Variants in TNFSF4 observed in about 807,000 individuals in gnomAD.
The protein encoded by TNFSF4 is tumor necrosis factor ligand superfamily member 4.
TNFSF4 carries 4 observed loss-of-function variants against 7.3 expected under a neutral mutation model. The ratio of observed to expected loss-of-function variants is 0.55; its 90% confidence interval spans 0.27 to 1.25. The LOEUF is 1.25. Among genes scored for constraint, TNFSF4 ranks in the 50% most tolerant of loss-of-function variants. The pLI is 0.12. For synonymous variants in TNFSF4, 76 were observed against 83.7 expected (o/e 0.91, Z 0.50); for missense variants, 181 against 208.8 (o/e 0.87, Z 0.82).
At chr1:173,288,897 C>G in the TNFSF4 span, among the ~76,000 whole-genome samples, 2 of 151,966 alleles carry the variant, frequency 1.3e-5, no homozygotes, top group African/African-American at 4.8e-5. Context: ...ATATATGAAA[C>G]TATGTTTTAA....
At chr1:173,236,924 T>G in the TNFSF4 span, among the ~76,000 whole-genome samples, 5 of 152,186 alleles carry the variant, frequency 3.3e-5, 1 homozygote, top group South Asian at 1.0e-3. Context: ...GGTTGGGTTG[T>G]GTCCCCCCAC....
At chr1:173,334,206 T>C in the TNFSF4 span, among the ~76,000 whole-genome samples, 1 of 152,198 alleles carries the variant, frequency 6.6e-6, no homozygotes, top group African/African-American at 2.4e-5. Flanking sequence ...TATTTAAAGA[T>C]GCTAGTGTCT....
the TNFSF4 span, among the ~76,000 whole-genome samples, chr1:173,404,788 T>G: frequency 6.6e-6 from 1 of 152,048 alleles, no homozygotes; most frequent in South Asian, 2.1e-4. Context: ...TGCACCACCA[T>G]GCCCTGATAA....
At chr1:173,306,220 C>CA in the TNFSF4 span, among the ~76,000 whole-genome samples, 1 of 151,936 alleles carries the variant, frequency 6.6e-6, no homozygotes, top group Non-Finnish European at 1.5e-5. Flanking sequence ...TTAGTAATGT[C>CA]TTTTTCTAAG....
At chr1:173,380,064 C>T in the TNFSF4 span, among the ~76,000 whole-genome samples, 10 of 152,172 alleles carry the variant, frequency 6.6e-5, no homozygotes, top group South Asian at 2.1e-4. Flanking sequence ...TGGACACTGG[C>T]GTGGCCTTCT....
chr1:173,446,397 T>C, the TNFSF4 span, among the ~76,000 whole-genome samples: 2 of 152,218 alleles, frequency 1.3e-5, 1 homozygote, highest in South Asian at 4.1e-4. Flanking sequence ...ATGTACATAG[T>C]GACTTTATTC....
the TNFSF4 span, among the ~76,000 whole-genome samples, chr1:173,291,943 A>G: frequency 3.1e-3 from 467 of 152,184 alleles, 4 homozygotes; most frequent in Middle Eastern, 0.031. Context: ...CCCAAGATTG[A>G]AACCCTGAAC....
the TNFSF4 span, among the ~76,000 whole-genome samples, chr1:173,365,061 T>C: frequency 6.7e-6 from 1 of 148,394 alleles, no homozygotes; most frequent in Non-Finnish European, 1.5e-5. Flanking sequence ...CACTCCAGCC[T>C]GGGAAACAGT....
the TNFSF4 span, among the ~76,000 whole-genome samples, chr1:173,389,823 A>G: frequency 3.2e-3 from 484 of 152,156 alleles, 1 homozygote; most frequent in African/African-American, 0.011. Context: ...TGACTACTAT[A>G]TTGTTCTAGA....
chr1:173,175,711 A>G, the TNFSF4 span, among the ~76,000 whole-genome samples: 3 of 152,200 alleles, frequency 2.0e-5, no homozygotes, highest in African/African-American at 7.2e-5. Context: ...ATTTAACATT[A>G]TGGGAAAAAC....
the TNFSF4 span, among the ~76,000 whole-genome samples, chr1:173,369,631 C>T: frequency 6.6e-6 from 1 of 152,108 alleles, no homozygotes; most frequent in Non-Finnish European, 1.5e-5. Flanking sequence ...CCTTGAAATG[C>T]ATCCTAAGCC....
At chr1:173,428,399 G>A in the TNFSF4 span, among the ~76,000 whole-genome samples, 1 of 152,116 alleles carries the variant, frequency 6.6e-6, no homozygotes, top group Non-Finnish European at 1.5e-5. Context: ...AAATCTACAG[G>A]ACAAAGTACT....
At chr1:173,221,029 C>T in the TNFSF4 span, among the ~76,000 whole-genome samples, 1 of 152,144 alleles carries the variant, frequency 6.6e-6, no homozygotes, top group Non-Finnish European at 1.5e-5. Context: ...GCAAAGCCTT[C>T]ACATGGGTCA....
the TNFSF4 span, among the ~76,000 whole-genome samples, chr1:173,302,364 T>G: frequency 6.6e-6 from 1 of 152,070 alleles, no homozygotes; most frequent in African/African-American, 2.4e-5. Context: ...TAGAGAGTTC[T>G]GACATCCCTA....
the TNFSF4 span, among the ~76,000 whole-genome samples, chr1:173,239,907 C>G: frequency 6.6e-6 from 1 of 152,142 alleles, no homozygotes; most frequent in Admixed American, 6.5e-5. Context: ...TAGCAAATAC[C>G]TGTAATCCCA....
the TNFSF4 span, among the ~76,000 whole-genome samples, chr1:173,214,286 G>A: frequency 6.6e-6 from 1 of 152,142 alleles, no homozygotes; most frequent in Non-Finnish European, 1.5e-5. Context: ...GGCAGAGCTG[G>A]TATCCGAATC....
chr1:173,241,063 T>C, the TNFSF4 span, among the ~76,000 whole-genome samples: 1 of 152,234 alleles, frequency 6.6e-6, no homozygotes, highest in Non-Finnish European at 1.5e-5. Flanking sequence ...CTTCTAGCCA[T>C]CTATCTCTTC....
At chr1:173,210,199 GAAA>G (rs1650327642), upstream of TNFSF4, among the ~76,000 whole-genome samples, 1 of 152,090 alleles carries the variant, frequency 6.6e-6, no homozygotes, top group Admixed American at 6.6e-5. Flanking sequence ...AATACTAGAG[GAAA>G]AGACACAAAC....
At chr1:173,271,370 G>A in the TNFSF4 span, among the ~76,000 whole-genome samples, 1 of 152,030 alleles carries the variant, frequency 6.6e-6, no homozygotes, top group Non-Finnish European at 1.5e-5. Context: ...CATATGGCTA[G>A]GCAGTTTTCC....
Sources: gnomAD v4.1 joint callset for allele counts (sites outside exome capture counted in the v4.1 genomes callset) on GRCh38, gnomAD v4.1.1 for gene constraint, MANE v1.5 for transcripts, NCBI Gene and HGNC (gene_info 2026-07-23, HGNC 2026-07-21) for gene names.